The following CSMD1 variants were observed in gnomAD, a reference collection of about 807,000 sequenced individuals.
CSMD1 encodes CUB and sushi domain-containing protein 1.
A neutral mutation model predicts 417.5 loss-of-function variants in CSMD1; 213 were observed. The ratio of observed to expected loss-of-function variants is 0.51; its 90% confidence interval spans 0.46 to 0.57. CSMD1 has a LOEUF of 0.57. CSMD1 is among the 20% of genes least tolerant of loss of function. The pLI is 0.00. For missense variants in CSMD1, 6,923 were observed against 4,529.7 expected, an observed-to-expected ratio of 1.53 and a Z score of -15.17; for synonymous variants, 2,862 against 1,736.8, an observed-to-expected ratio of 1.65 and a Z score of -16.11.
At chr8:3,492,796 G>T (rs140556062) in intron 11 of CSMD1, among the ~76,000 whole-genome samples, 2 of 152,122 alleles carry the variant, frequency 1.3e-5, no homozygotes, top group East Asian at 3.9e-4. Flanking sequence ...TCTGGAATCA[G>T]AGTTCTTCAA....
intron 3 of CSMD1, among the ~76,000 whole-genome samples, chr8:4,218,917 G>C (rs1800854200): frequency 6.6e-6 from 1 of 152,094 alleles, no homozygotes; most frequent in South Asian, 2.1e-4. Context: ...TTTTGGATCT[G>C]AACCCTTGGG....
intron 2 of CSMD1, among the ~76,000 whole-genome samples, chr8:4,591,892 A>G (rs1489338709): frequency 6.6e-6 from 1 of 152,070 alleles, no homozygotes; most frequent in East Asian, 1.9e-4. Context: ...GGGAGGCTGA[A>G]AGTTGGGCAG....
At chr8:3,644,130 T>G (rs1797455371) in intron 7 of CSMD1, among the ~76,000 whole-genome samples, 1 of 152,180 alleles carries the variant, frequency 6.6e-6, no homozygotes. Flanking sequence ...GGGAAGTTGT[T>G]ATCAATGCAA....
intron 3 of CSMD1, among the ~76,000 whole-genome samples, chr8:4,040,952 C>A (rs541514981): frequency 2.7e-5 from 4 of 150,078 alleles, no homozygotes; most frequent in Admixed American, 6.6e-5. Context: ...TATGGTCTTA[C>A]ATTTTGACTT....
chr8:3,457,042 C>CCCTCATTCTGTACT (rs1457332726), intron 12 of CSMD1, among the ~76,000 whole-genome samples: 3 of 151,808 alleles, frequency 2.0e-5, no homozygotes, highest in African/African-American at 7.3e-5. Flanking sequence ...TCACCTGTAC[C>CCCTCATTCTGTACT]CCTCATTCTG....
In CSMD1 at chr8:3,144,212, G is replaced by A. The variant is rs768617167; in HGVS notation, c.6032-1538C>T. ...TTAGATGTTCTGTCTCATGTCACACGGGAAATGGCAGAGTGAAGTTTAACC... is the reference window on the plus strand; with the variant it reads ...TTAGATGTTCTGTCTCATGTCACACAGGAAATGGCAGAGTGAAGTTTAACC... On this transcript the variant is annotated intron_variant, in intron 40 of 69. Transcript: ENST00000635120. Among the ~76,000 whole-genome samples, 12 of 152,104 alleles carry A rather than the reference G, an allele frequency of 7.9e-5. No individual in the cohort carries two copies. The South Asian group carries it at 1.5e-3, about 18-fold the overall frequency.
chr8:3,933,434 G>A (rs1028596394), intron 5 of CSMD1, among the ~76,000 whole-genome samples: 3 of 152,048 alleles, frequency 2.0e-5, no homozygotes, highest in African/African-American at 7.2e-5. Flanking sequence ...ATAAAACATA[G>A]ACTAAGCATT....
chr8:3,830,787 C>A (rs182245233), intron 5 of CSMD1, among the ~76,000 whole-genome samples: 2 of 152,190 alleles, frequency 1.3e-5, no homozygotes, highest in Admixed American at 6.5e-5. Flanking sequence ...ATATGCACGC[C>A]AGTAAAATGC....
At chr8:3,440,419 A>G (rs1050262305) in intron 12 of CSMD1, among the ~76,000 whole-genome samples, 7 of 152,186 alleles carry the variant, frequency 4.6e-5, no homozygotes, top group Admixed American at 2.6e-4. Flanking sequence ...TATAAATTGT[A>G]TTTTAAAGAA....
intron 5 of CSMD1, among the ~76,000 whole-genome samples, chr8:3,913,771 T>C (rs1808617109): frequency 6.6e-6 from 1 of 152,082 alleles, no homozygotes; most frequent in Admixed American, 6.6e-5. Flanking sequence ...CTTAAAGAGA[T>C]AAACAACTTG....
At chr8:4,081,849 A>C (rs1335503306) in intron 3 of CSMD1, among the ~76,000 whole-genome samples, 2 of 152,198 alleles carry the variant, frequency 1.3e-5, no homozygotes, top group Non-Finnish European at 2.9e-5. Flanking sequence ...TTGAAACCAA[A>C]TAATTAGAAA....
chr8:3,881,229 C>T (rs1215527474), intron 5 of CSMD1, among the ~76,000 whole-genome samples: 1 of 148,572 alleles, frequency 6.7e-6, no homozygotes, highest in African/African-American at 2.5e-5. Context: ...ACTCTCAACC[C>T]AAACCTCAAC....
At chr8:4,327,203 A>G (rs572901413) in intron 3 of CSMD1, among the ~76,000 whole-genome samples, 4 of 152,246 alleles carry the variant, frequency 2.6e-5, no homozygotes, top group Admixed American at 1.3e-4. Flanking sequence ...AACACATTAC[A>G]TATCTTTAAA....
At chr8:3,212,772 C>T (rs1797687672) in intron 30 of CSMD1, among the ~76,000 whole-genome samples, 1 of 151,758 alleles carries the variant, frequency 6.6e-6, no homozygotes, top group Non-Finnish European at 1.5e-5. Context: ...GCAGAACACG[C>T]CAGGGAAGTA....
At chr8:3,832,786 G>C (rs1047858525) in intron 5 of CSMD1, among the ~76,000 whole-genome samples, 49 of 152,234 alleles carry the variant, frequency 3.2e-4, no homozygotes, top group African/African-American at 8.9e-4. Context: ...ATCTGATCCA[G>C]ATTAGAAATA....
intron 5 of CSMD1, among the ~76,000 whole-genome samples, chr8:3,826,362 C>G (rs1396940923): frequency 6.6e-6 from 1 of 152,152 alleles, no homozygotes; most frequent in Non-Finnish European, 1.5e-5. Flanking sequence ...AAAATTGCCT[C>G]TGATGCAAAT....
intron 3 of CSMD1, among the ~76,000 whole-genome samples, chr8:4,326,052 G>A (rs1484748161): frequency 2.6e-5 from 4 of 152,124 alleles, no homozygotes; most frequent in Non-Finnish European, 5.9e-5. Flanking sequence ...CCTAACACGG[G>A]ATTCTCCAAC....
chr8:4,667,822 C>G (rs1182699003), intron 1 of CSMD1, among the ~76,000 whole-genome samples: 1 of 152,100 alleles, frequency 6.6e-6, no homozygotes, highest in African/African-American at 2.4e-5. Context: ...CTTATTTTAT[C>G]CTTCCAATTT....
intron 1 of CSMD1, among the ~76,000 whole-genome samples, chr8:4,950,391 G>A (rs972674383): frequency 6.6e-6 from 1 of 151,584 alleles, no homozygotes; most frequent in African/African-American, 2.4e-5. Flanking sequence ...ATAGGACAAT[G>A]TTACCCACAA....
Sources: gnomAD v4.1 joint callset for allele counts (sites outside exome capture counted in the v4.1 genomes callset) on GRCh38, gnomAD v4.1.1 for gene constraint, MANE v1.5 for transcripts, NCBI Gene and HGNC (gene_info 2026-07-23, HGNC 2026-07-21) for gene names.